PBX3: variants seen among roughly 807,000 people sequenced by gnomAD.
The protein encoded by PBX3 is pre-B-cell leukemia transcription factor 3.
Under a neutral mutation model 48.5 loss-of-function variants are expected in PBX3, and 14 were observed. The observed-to-expected ratio is 0.29, with a 90% CI of 0.19 to 0.45. PBX3 has a LOEUF of 0.45. Ranked by LOEUF, PBX3 falls within the 20% of genes least tolerant of loss-of-function variation. The pLI is 1.00. For synonymous variants in PBX3, 210 were observed against 200.3 expected, an observed-to-expected ratio of 1.05 and a Z score of -0.41; for missense variants, 386 against 546.7, an observed-to-expected ratio of 0.71 and a Z score of 2.93.
rs545332212 is a variant in PBX3, at chr9:125,805,977, T to A, written c.274+57354T>A. ...AGAAATGTAATAAGCCAAATAAGTT[T>A]TTATTTCTATATATCTATGTATCTA... On this transcript the variant is annotated intron_variant, in intron 2 of 8. Transcript: ENST00000373489. 9.2e-5 allele frequency among the ~76,000 whole-genome samples: 14 copies of A among 152,318 alleles called. No homozygotes were observed. In the East Asian group the frequency reaches 2.5e-3, roughly 27 times the overall value.
intron 2 of PBX3, among the ~76,000 whole-genome samples, chr9:125,853,259 T>G (rs898120444): frequency 1.5e-4 from 23 of 152,334 alleles, no homozygotes; most frequent in African/African-American, 5.5e-4. Flanking sequence ...CTCACTGATT[T>G]ACCTCAAAAT....
At chr9:125,954,913 G>A (rs1842269886) in intron 5 of PBX3, among the ~76,000 whole-genome samples, 1 of 152,188 alleles carries the variant, frequency 6.6e-6, no homozygotes, top group Admixed American at 6.5e-5. Flanking sequence ...TTAAAGAATA[G>A]TGTTACAGTT....
intron 2 of PBX3, among the ~76,000 whole-genome samples, chr9:125,856,001 A>C (rs1839710903): frequency 6.6e-6 from 1 of 152,142 alleles, no homozygotes; most frequent in Non-Finnish European, 1.5e-5. Flanking sequence ...ACATAATATC[A>C]TGTCATACAA....
intron 5 of PBX3, among the ~76,000 whole-genome samples, chr9:125,938,748 T>C (rs1301558374): frequency 6.6e-6 from 1 of 152,160 alleles, no homozygotes; most frequent in Non-Finnish European, 1.5e-5. Context: ...GACAAGTAAT[T>C]GCAATACTTT....
At chr9:125,909,214 A>G (rs1240583098) in intron 2 of PBX3, among the ~76,000 whole-genome samples, 12 of 152,156 alleles carry the variant, frequency 7.9e-5, no homozygotes, top group Non-Finnish European at 2.9e-5. Flanking sequence ...CTCTTGAGGC[A>G]GGATCTAATT....
At chr9:125,790,458 T>G (rs1837568778) in intron 2 of PBX3, among the ~76,000 whole-genome samples, 1 of 152,080 alleles carries the variant, frequency 6.6e-6, no homozygotes, top group African/African-American at 2.4e-5. Flanking sequence ...TTCGCCATGT[T>G]GTCCAGGCTG....
chr9:125,837,667 CT>C (rs555105795), intron 2 of PBX3, among the ~76,000 whole-genome samples: 12 of 149,450 alleles, frequency 8.0e-5, no homozygotes, highest in South Asian at 2.1e-4. Context: ...GGTCTCAAGA[CT>C]TTTTTTTTTC....
chr9:125,747,645 G>A lies in PBX3; in HGVS notation c.192G>A (p.Ala64=). Residue 64 remains alanine, a synonymous_variant, in exon 1 of 9, where the codon GCG becomes GCA. Coordinates refer to ENST00000373489, the MANE Select transcript of PBX3 (RefSeq NM_006195.6). ...TCACCGACCAGAGCTTGGACGAGGC[G>A]CAAGCAAAGTTGGTGTCGTCTCATT... ...MTITDQSLDE[A]QAKKHALNCH... 1 of 1,590,580 alleles carries A rather than the reference G, an allele frequency of 6.3e-7. No homozygotes were observed. Among genetic ancestry groups the A allele is most frequent in the Non-Finnish European group, 8.6e-7 (1 of 1,169,010 alleles).
chr9:125,922,345 G>A (rs189813843), intron 3 of PBX3, among the ~76,000 whole-genome samples: 1 of 152,186 alleles, frequency 6.6e-6, no homozygotes, highest in Admixed American at 6.5e-5. Flanking sequence ...TGTTATTGCA[G>A]TGTGTGTTTT....
At chr9:125,960,000 C>T (rs1050423274) in intron 5 of PBX3, among the ~76,000 whole-genome samples, 22 of 152,168 alleles carry the variant, frequency 1.4e-4, no homozygotes, top group East Asian at 7.7e-4. Flanking sequence ...CCATTTGCAC[C>T]GGCTGACATC....
chr9:125,943,792 A>G lies in PBX3; in HGVS notation c.843+8185A>G, dbSNP rs368009910. Reference sequence around the variant, plus strand: ...GCAGAGTGTAGGGAAACCACAAAGGATAATACTAGTGATTGGTTCTGTTAC... The same window carrying G: ...GCAGAGTGTAGGGAAACCACAAAGGGTAATACTAGTGATTGGTTCTGTTAC... On this transcript the variant is annotated intron_variant, in intron 5 of 8. Transcript: ENST00000373489. Among the ~76,000 whole-genome samples, 15 of 151,704 alleles carry G rather than the reference A, an allele frequency of 9.9e-5. No individual in the cohort carries two copies. The South Asian group carries it at 2.9e-3, about 30-fold the overall frequency.
chr9:125,797,275 A>G (rs1837812528), intron 2 of PBX3: 1 of 152,180 alleles, frequency 6.6e-6, no homozygotes, highest in African/African-American at 2.4e-5. Context: ...AGTTTTCAGT[A>G]AAATTTAAAT....
intron 2 of PBX3, among the ~76,000 whole-genome samples, chr9:125,840,736 G>C (rs917810637): frequency 1.3e-5 from 2 of 152,000 alleles, no homozygotes; most frequent in African/African-American, 4.8e-5. Flanking sequence ...TGAGTAGGGT[G>C]AAGGGCAAAG....
chr9:125,879,172 G>A (rs1840324256), intron 2 of PBX3, among the ~76,000 whole-genome samples: 1 of 150,754 alleles, frequency 6.6e-6, no homozygotes, highest in Non-Finnish European at 1.5e-5. Context: ...CTGCCTCCTG[G>A]GTTCAAGTGA....
At chr9:125,824,766 C>T (rs1004745561) in intron 2 of PBX3, among the ~76,000 whole-genome samples, 7 of 151,626 alleles carry the variant, frequency 4.6e-5, no homozygotes, top group Non-Finnish European at 1.0e-4. Flanking sequence ...AACAAAGTCT[C>T]CAGAAATGGC....
chr9:125,870,491 C>A (rs1840094965), intron 2 of PBX3, among the ~76,000 whole-genome samples: 1 of 152,050 alleles, frequency 6.6e-6, no homozygotes, highest in African/African-American at 2.4e-5. Context: ...AACAAACAAA[C>A]AAACAAAAAA....
intron 2 of PBX3, among the ~76,000 whole-genome samples, chr9:125,865,750 T>A (rs1839963697): frequency 6.6e-6 from 1 of 152,198 alleles, no homozygotes; most frequent in Non-Finnish European, 1.5e-5. Flanking sequence ...AAACCTATTA[T>A]AAAAAAGCTA....
chr9:125,830,726 T>C (rs2132189627), intron 2 of PBX3, among the ~76,000 whole-genome samples: 1 of 152,276 alleles, frequency 6.6e-6, no homozygotes, highest in South Asian at 2.1e-4. Context: ...ATGGAGGTAA[T>C]ATTTTTCCCA....
intron 2 of PBX3, among the ~76,000 whole-genome samples, chr9:125,911,988 A>G (rs912375268): frequency 2.0e-5 from 3 of 152,174 alleles, no homozygotes; most frequent in African/African-American, 7.2e-5. Context: ...GTCTGAAGCC[A>G]TACTCTTCAG....
Sources: allele counts gnomAD v4.1 joint callset (sites outside exome capture counted in the v4.1 genomes callset), GRCh38; gene constraint gnomAD v4.1.1; transcripts MANE v1.5; gene names NCBI Gene and HGNC (gene_info 2026-07-23, HGNC 2026-07-21).